The following GAPVD1 variants were observed in gnomAD, a reference collection of about 807,000 sequenced individuals.
The protein encoded by GAPVD1 is GTPase-activating protein and VPS9 domain-containing protein 1.
In GAPVD1, 35 loss-of-function variants were observed where a neutral mutation model predicts 155.5. The ratio of observed to expected loss-of-function variants is 0.23; its 90% confidence interval spans 0.17 to 0.30. GAPVD1 has a LOEUF of 0.30. Among genes scored for constraint, GAPVD1 ranks in the 10% least tolerant of loss-of-function variants. The pLI, the probability that GAPVD1 is intolerant of heterozygous loss-of-function variation, is 1.00. For synonymous variants in GAPVD1, 636 were observed against 619.7 expected, an observed-to-expected ratio of 1.03 and a Z score of -0.39; for missense variants, 1,429 against 1,775.7, an observed-to-expected ratio of 0.80 and a Z score of 3.51.
chr9:125,360,621 C>T lies in GAPVD1; in HGVS notation c.4138C>T (p.Leu1380=), dbSNP rs752551149. The T allele has an allele frequency of 5.6e-6, 9 of 1,613,770 alleles. No individual in the cohort carries two copies. In the African/African-American group the frequency reaches 8.0e-5, roughly 14 times the overall value. Residue 1380 remains leucine, a synonymous_variant, in exon 27 of 28, where the codon CTG becomes TTG. Coordinates refer to ENST00000297933, the MANE Select transcript of GAPVD1 (RefSeq NM_001282680.3). ...KTPRDKVQCI[L]RMCSTIMNLL... ...CCCCCGGGACAAAGTGCAGTGCATC[C>T]TGAGAATGTGCTCTACGATTATGAA...
intron 15 of GAPVD1, 146 bp from the exon 16 acceptor site, chr9:125,336,872 A>G: frequency 1.7e-6 from 1 of 592,304 alleles, no homozygotes; most frequent in Non-Finnish European, 3.0e-6. Flanking sequence ...AAGTAATCAT[A>G]ATTTGATTTT....
intron 12 of GAPVD1, among the ~76,000 whole-genome samples, chr9:125,329,863 G>T (rs904513357): frequency 1.3e-5 from 2 of 152,156 alleles, no homozygotes; most frequent in Non-Finnish European, 2.9e-5. Context: ...TGTATTTTCA[G>T]TAGAGACGGG....
rs373361542 is a variant in GAPVD1, at chr9:125,326,930, A to G, written c.2032+341A>G. On this transcript the variant is annotated intron_variant, in intron 12 of 27. Transcript: ENST00000297933. ...AGTTCTTAGTCTGTCTCTAATTAGT[A>G]TATTCTCTGTTTGAAGCCAAACACC... is the stretch of plus-strand genomic sequence containing the variant. Among the ~76,000 whole-genome samples, 12 of 152,208 alleles carry G rather than the reference A, an allele frequency of 7.9e-5. No individual in the cohort carries two copies. In the East Asian group the frequency reaches 1.9e-3, roughly 24 times the overall value.
Position 125,355,723 on chromosome 9 carries a change from C to T in GAPVD1, c.3837C>T (p.Ala1279=), listed in dbSNP as rs1032351271. ...TGCAGTTTCTTTATGGTGCAATGGC[C>T]CAGGATGTCATATGGCAAAACGCGA... ...DFLQFLYGAM[A]QDVIWQNASE... is the part of the protein sequence containing the mutation. Residue 1279 remains alanine, a synonymous_variant, in exon 25 of 28, where the codon GCC becomes GCT. Transcript: ENST00000297933. The T allele has an allele frequency of 2.5e-6, 4 of 1,613,174 alleles. No individual in the cohort carries two copies. Among genetic ancestry groups the T allele is most frequent in the East Asian group, 2.2e-5 (1 of 44,884 alleles).
intron 13 of GAPVD1, among the ~76,000 whole-genome samples, 157 bp downstream of exon 13, chr9:125,330,375 G>A (rs1845906971): frequency 1.3e-5 from 2 of 149,072 alleles, no homozygotes; most frequent in Non-Finnish European, 3.0e-5. Flanking sequence ...CTGGAGTGCT[G>A]TGGCGCGATC....
intron 10 of GAPVD1, among the ~76,000 whole-genome samples, chr9:125,322,707 T>C (rs1437393881): frequency 6.6e-6 from 1 of 152,198 alleles, no homozygotes; most frequent in East Asian, 1.9e-4. Context: ...TCATAATTTT[T>C]TTCAACTTTC....
chr9:125,307,983 A>G (rs1842116068), intron 8 of GAPVD1, 103 bp downstream of exon 8: 2 of 802,444 alleles, frequency 2.5e-6, no homozygotes, highest in Non-Finnish European at 2.1e-6. Flanking sequence ...TACTTGGGAA[A>G]GTCTTTCTCT....
Position 125,321,367 on chromosome 9 carries a change from CT to C in GAPVD1, c.1603-65del, listed in dbSNP as rs1232237936. 13 of 1,131,542 alleles carry C rather than the reference CT, an allele frequency of 1.1e-5. No individual in the cohort carries two copies. In the African/African-American group the frequency reaches 1.7e-4, roughly 15 times the overall value. The allele number at this position is 1,131,542 out of a possible 1,614,324, so 70.1% of individuals were successfully genotyped here. A position where few individuals can be genotyped will look rare whatever the true frequency, so the allele number is the denominator to read the frequency against. Reference sequence around the variant, plus strand: ...GATTAAGGAGTTAAATATGCATTTGCTGTGGTTTGTTTCCTTATCAGTAATC... The same window carrying C: ...GATTAAGGAGTTAAATATGCATTTGCGTGGTTTGTTTCCTTATCAGTAATC... On this transcript the variant is annotated intron_variant, in intron 9 of 27. Coordinates refer to ENST00000297933, the MANE Select transcript of GAPVD1 (RefSeq NM_001282680.3).
chr9:125,350,229 TA>T, intron 21 of GAPVD1, 65 bp from the exon 22 acceptor site: 1 of 920,656 alleles, frequency 1.1e-6, no homozygotes, highest in Non-Finnish European at 1.7e-6. Flanking sequence ...ATTTATATAG[TA>T]AATATTTGTA....
At chr9:125,331,824 T>A in intron 13 of GAPVD1, 102 bp from the exon 14 acceptor site, 2 of 1,022,818 alleles carry the variant, frequency 2.0e-6, no homozygotes, top group East Asian at 4.8e-5. Context: ...TGCACTGATT[T>A]TATTCATGCC....
At chr9:125,282,831 C>A (rs1010143078) in intron 2 of GAPVD1, among the ~76,000 whole-genome samples, 1 of 152,088 alleles carries the variant, frequency 6.6e-6, no homozygotes, top group African/African-American at 2.4e-5. Flanking sequence ...GTCTTAAATT[C>A]ATCAGATCTT....
chr9:125,268,214 A>C (rs1257707987), intron 1 of GAPVD1, among the ~76,000 whole-genome samples: 11 of 135,224 alleles, frequency 8.1e-5, no homozygotes, highest in South Asian at 2.8e-4. Flanking sequence ...CCAAAAAAAA[A>C]CCAAGAACTT....
At chr9:125,306,194 G>A (rs541972116) in intron 6 of GAPVD1, among the ~76,000 whole-genome samples, 58 of 150,536 alleles carry the variant, frequency 3.9e-4, no homozygotes, top group African/African-American at 1.2e-3. Flanking sequence ...ACAGAGGTTC[G>A]CTGTTGTCAC....
intron 2 of GAPVD1, among the ~76,000 whole-genome samples, chr9:125,294,984 G>A (rs984993670): frequency 6.6e-6 from 1 of 151,752 alleles, no homozygotes; most frequent in African/African-American, 2.4e-5. Context: ...TTGAGAGCAA[G>A]TGCTTCTTTC....
intron 2 of GAPVD1, among the ~76,000 whole-genome samples, chr9:125,269,411 A>G (rs577071543): frequency 9.2e-5 from 14 of 152,006 alleles, no homozygotes; most frequent in Non-Finnish European, 1.8e-4. Flanking sequence ...TTACACTTGA[A>G]CTACCTAAAC....
intron 2 of GAPVD1, among the ~76,000 whole-genome samples, chr9:125,280,286 C>G (rs1836552277): frequency 6.8e-6 from 1 of 147,228 alleles, no homozygotes; most frequent in Middle Eastern, 3.4e-3. Flanking sequence ...ATCCCAGCTA[C>G]TTGGGAGGCT....
chr9:125,307,840 A>G lies in GAPVD1; in HGVS notation c.1401A>G (p.Pro467=), dbSNP rs767581704. The change falls in exon 8 of 28, where the codon CCA becomes CCG. Residue 467 remains proline (P), a synonymous_variant. Coordinates refer to ENST00000297933, the MANE Select transcript of GAPVD1 (RefSeq NM_001282680.3). The stretch of plus-strand genomic sequence containing the variant: ...CCTACAATACACCTCAGCTATCTCC[A>G]GCAACCACTCCAGCAAATAAAAAGA... The part of the protein sequence containing the change: ...MTPYNTPQLS[P]ATTPANKKNR... The G allele has an allele frequency of 1.9e-6, 3 of 1,613,126 alleles. No individual in the cohort carries two copies. In the Admixed American group the frequency reaches 5.0e-5, roughly 27 times the overall value.
chr9:125,294,387 G>T (rs933239674), intron 2 of GAPVD1, among the ~76,000 whole-genome samples: 1 of 141,442 alleles, frequency 7.1e-6, no homozygotes, highest in African/African-American at 2.6e-5. Flanking sequence ...TCGCTCTGTC[G>T]CCCAGGCTGG....
rs1849187259 is a variant in GAPVD1 at position 125,350,814 on chromosome 9, T to C, written c.3511T>C (p.Cys1171Arg). The C allele has an allele frequency of 6.2e-7, 1 of 1,613,608 alleles. No individual in the cohort carries two copies. The highest frequency in any genetic ancestry group is 1.3e-5 in the African/African-American group (1 of 74,928). ...ACTTCAAGAAACAATGCGCTGTGTG[T>C]GCCGTTTTGATAATAGGACTTGTAG... is the stretch of plus-strand genomic sequence containing the variant. ...AQLQETMRCV[C>R]RFDNRTCRKL... The change falls in exon 23 of 28, where the codon TGC becomes CGC. Residue 1171 changes from cysteine (C) to arginine (R), a missense_variant. Coordinates refer to ENST00000297933, the MANE Select transcript of GAPVD1 (RefSeq NM_001282680.3).
Sources: gnomAD v4.1 joint callset for allele counts (sites outside exome capture counted in the v4.1 genomes callset) on GRCh38, gnomAD v4.1.1 for gene constraint, MANE v1.5 for transcripts, NCBI Gene and HGNC (gene_info 2026-07-23, HGNC 2026-07-21) for gene names.